RGS22: variants seen among roughly 807,000 people sequenced by gnomAD.
RGS22 encodes regulator of G protein signaling 22, also known as regulator of G-protein signaling 22.
RGS22 carries 148 observed loss-of-function variants against 172.9 expected under a neutral mutation model. The observed-to-expected ratio is 0.86, with a 90% CI of 0.75 to 0.98. RGS22 has a LOEUF of 0.98. RGS22 is among the 50% of genes least tolerant of loss of function. The pLI is 0.00. For missense variants in RGS22, 1,347 were observed against 1,440.8 expected (o/e 0.93, Z 1.05); for synonymous variants, 458 against 480.2 (o/e 0.95, Z 0.60).
chr8:100,083,480 G>C (rs1212587140), intron 3 of RGS22, among the ~76,000 whole-genome samples: 4 of 151,902 alleles, frequency 2.6e-5, no homozygotes, highest in South Asian at 2.1e-4. Context: ...CGATTCTCTT[G>C]CCTCAGCCTC....
chr8:99,982,047 T>C lies in RGS22; in HGVS notation c.3250A>G (p.Ile1084Val), dbSNP rs1812609437. 1 of 1,613,804 alleles carries C rather than the reference T, an allele frequency of 6.2e-7. No homozygotes were observed. The highest frequency in any genetic ancestry group is 8.5e-7 in the Non-Finnish European group (1 of 1,179,832). The change falls in exon 22 of 28, where the codon ATT becomes GTT. Residue 1084 changes from isoleucine to valine, a missense_variant. By Grantham distance (29) the Ile-to-Val change is conservative. Coordinates refer to ENST00000360863, the MANE Select transcript of RGS22 (RefSeq NM_015668.5). ...KKITTIINCF[I>V]NSSIPPALQI... ...AAAGCTGGTGGAATACTGGAATTAA[T>C]AAAGCAGTTGATAATAGTTGTAATC... is the stretch of plus-strand genomic sequence containing the variant.
intron 10 of RGS22, among the ~76,000 whole-genome samples, chr8:100,050,315 A>G (rs996029786): frequency 1.3e-5 from 2 of 152,084 alleles, no homozygotes; most frequent in Non-Finnish European, 2.9e-5. Context: ...TTGTAAGCCA[A>G]ACCCCTGATT....
intron 14 of RGS22, among the ~76,000 whole-genome samples, chr8:100,021,739 T>C (rs1400063142): frequency 6.7e-6 from 1 of 150,052 alleles, no homozygotes; most frequent in Non-Finnish European, 1.5e-5. Context: ...TTGGACTTTA[T>C]ATAAAACAAT....
chr8:100,004,501 T>C (rs1226750392), intron 16 of RGS22: 3 of 152,220 alleles, frequency 2.0e-5, no homozygotes, highest in Non-Finnish European at 4.4e-5. Context: ...GTCTTACTTA[T>C]ATATGTGTAG....
chr8:100,077,003 A>G, intron 4 of RGS22, among the ~76,000 whole-genome samples: 1 of 151,602 alleles, frequency 6.6e-6, no homozygotes. Flanking sequence ...AAAAAAAAAG[A>G]AAAAAAAAGT....
chr8:100,049,173 T>A lies in RGS22; in HGVS notation c.1690-1577A>T, dbSNP rs1379369780. Among the ~76,000 whole-genome samples, 3 of 152,226 alleles carry A rather than the reference T, an allele frequency of 2.0e-5. No individual in the cohort carries two copies. The East Asian group carries it at 5.8e-4, about 29-fold the overall frequency. ...AAGCCTGAGGAAGGGTCACAGTGGA[T>A]TGTAGCAGAGGGCGGTATAAAGGAA... On this transcript the variant is annotated intron_variant, in intron 10 of 27. Transcript: ENST00000360863.
chr8:100,086,481 T>G (rs1812169757), intron 3 of RGS22, among the ~76,000 whole-genome samples: 1 of 151,968 alleles, frequency 6.6e-6, no homozygotes, highest in African/African-American at 2.4e-5. Flanking sequence ...ACACCATATG[T>G]TTTCACTTAT....
intron 10 of RGS22, among the ~76,000 whole-genome samples, chr8:100,050,050 C>CA (rs35540779): frequency 0.58 from 76,783 of 131,542 alleles, 21,484 homozygotes; most frequent in Admixed American, 0.64. Flanking sequence ...ACTCCATCTC[C>CA]AAAAAAAAAA....
intron 23 of RGS22, among the ~76,000 whole-genome samples, chr8:99,973,797 A>G (rs1187095545): frequency 6.6e-6 from 1 of 150,510 alleles, no homozygotes; most frequent in African/African-American, 2.5e-5. Context: ...TGAACCCTGG[A>G]GGCAGAGGTT....
chr8:100,050,150 T>G (rs1821131587), intron 10 of RGS22, among the ~76,000 whole-genome samples: 1 of 152,200 alleles, frequency 6.6e-6, no homozygotes, highest in South Asian at 2.1e-4. Flanking sequence ...GGAATCTCTA[T>G]TTTAACAAGC....
At chr8:100,046,325 A>G (rs1820710868) in intron 11 of RGS22, 1 of 151,864 alleles carries the variant, frequency 6.6e-6, no homozygotes, top group African/African-American at 2.4e-5. Flanking sequence ...CTGCTTTTTC[A>G]CTGTAATACT....
At chr8:100,053,347 A>G (rs529479859) in intron 9 of RGS22, among the ~76,000 whole-genome samples, 3 of 151,634 alleles carry the variant, frequency 2.0e-5, no homozygotes, top group African/African-American at 7.3e-5. Context: ...GCTTGAACCC[A>G]GAAGGCGGAG....
rs181303889 is a variant in RGS22, at chr8:100,075,069, C to T, written c.340-2839G>A. The stretch of plus-strand genomic sequence containing the variant: ...ACAGGTGTGAGCCACCGCGCCTGGC[C>T]GCATGCAGGTTTTTGTGTGAGTATA... On this transcript the variant is annotated intron_variant, in intron 4 of 27. Coordinates refer to ENST00000360863, the MANE Select transcript of RGS22 (RefSeq NM_015668.5). 3.3e-4 allele frequency among the ~76,000 whole-genome samples: 50 copies of T among 152,260 alleles called. 1 individual carries two copies. The South Asian group carries it at 3.7e-3, about 11-fold the overall frequency.
At chr8:99,994,708 A>G (rs1814160876) in intron 20 of RGS22, among the ~76,000 whole-genome samples, 1 of 152,236 alleles carries the variant, frequency 6.6e-6, no homozygotes, top group Admixed American at 6.5e-5. Context: ...TTATAGATTC[A>G]ATGCCATCCC....
In RGS22 at chr8:99,982,042, A is replaced by G; in HGVS notation, c.3255T>C (p.Asn1085=). ...KITTIINCFI[N]SSIPPALQID... ...TTTGTAAAGCTGGTGGAATACTGGA[A>G]TTAATAAAGCAGTTGATAATAGTTG... The change falls in exon 22 of 28, where the codon AAT becomes AAC. Residue 1085 remains asparagine (N), a synonymous_variant. Coordinates refer to ENST00000360863, the MANE Select transcript of RGS22 (RefSeq NM_015668.5). The G allele has an allele frequency of 2.5e-6, 4 of 1,613,932 alleles. No homozygotes were observed. In the South Asian group the frequency reaches 4.4e-5, roughly 18 times the overall value.
At chr8:99,973,674 C>A (rs2131147741) in intron 23 of RGS22, among the ~76,000 whole-genome samples, 1 of 152,144 alleles carries the variant, frequency 6.6e-6, no homozygotes, top group Middle Eastern at 3.4e-3. Context: ...TCAAGACCAG[C>A]CTGGCCAACA....
intron 4 of RGS22, among the ~76,000 whole-genome samples, chr8:100,074,348 T>A (rs1811190518): frequency 6.6e-6 from 1 of 152,206 alleles, no homozygotes; most frequent in Admixed American, 6.5e-5. Flanking sequence ...CAAATGCATA[T>A]AATCATGTAA....
chr8:100,077,996 C>T lies in RGS22; in HGVS notation c.339+2138G>A, dbSNP rs972835777. 3.9e-5 allele frequency among the ~76,000 whole-genome samples: 6 copies of T among 152,212 alleles called. No homozygotes were observed. In the South Asian group the frequency reaches 1.0e-3, roughly 26 times the overall value. On this transcript the variant is annotated intron_variant, in intron 4 of 27. Transcript: ENST00000360863. The stretch of plus-strand genomic sequence containing the variant: ...GTTCCTCTTTATCCATAGTAAGATT[C>T]CTTGTTCTGAGGGGTGCTTTGCCAG...
chr8:100,097,642 G>A (rs1342855003), intron 2 of RGS22, among the ~76,000 whole-genome samples: 1 of 152,180 alleles, frequency 6.6e-6, no homozygotes, highest in African/African-American at 2.4e-5. Context: ...GTTATGGACA[G>A]GCTTCTTAGC....
Sources: gnomAD v4.1 joint callset for allele counts (sites outside exome capture counted in the v4.1 genomes callset) on GRCh38, gnomAD v4.1.1 for gene constraint, MANE v1.5 for transcripts, NCBI Gene and HGNC (gene_info 2026-07-23, HGNC 2026-07-21) for gene names.